Variants in SDK1 observed in about 807,000 individuals in gnomAD.
SDK1 encodes protein sidekick-1.
A neutral mutation model predicts 245.5 loss-of-function variants in SDK1; 157 were observed. That is an observed-to-expected ratio of 0.64 (90% confidence interval 0.56 to 0.73). The LOEUF (loss-of-function observed/expected upper bound fraction) is 0.73, where lower values mean the gene tolerates loss of function less well. Ranked by LOEUF, SDK1 falls within the 30% of genes least tolerant of loss-of-function variation. The pLI is 0.00. For missense variants in SDK1, 3,583 were observed against 3,002.3 expected (o/e 1.19, Z -4.52); for synonymous variants, 1,647 against 1,278.5 (o/e 1.29, Z -6.15).
At chr7:3,685,921 A>G (rs1282850559) in intron 4 of SDK1, among the ~76,000 whole-genome samples, 2 of 152,148 alleles carry the variant, frequency 1.3e-5, no homozygotes, top group African/African-American at 4.8e-5. Context: ...GTTAAATGTA[A>G]CAGATCTAAA....
intron 35 of SDK1, among the ~76,000 whole-genome samples, chr7:4,195,422 C>T (rs980482795): frequency 6.6e-6 from 1 of 152,146 alleles, no homozygotes; most frequent in African/African-American, 2.4e-5. Context: ...TCTTGGGGCT[C>T]AGCTTTTCCC....
intron 34 of SDK1, among the ~76,000 whole-genome samples, chr7:4,176,197 C>T (rs1204071859): frequency 1.3e-5 from 2 of 148,680 alleles, no homozygotes; most frequent in African/African-American, 5.0e-5. Flanking sequence ...GAGTCTCACT[C>T]TGTTGCCGAG....
At chr7:3,442,860 A>C (rs981386752) in intron 1 of SDK1, among the ~76,000 whole-genome samples, 2 of 152,132 alleles carry the variant, frequency 1.3e-5, no homozygotes, top group African/African-American at 4.8e-5. Context: ...TGTTCTACTC[A>C]CTGTGTTCTG....
intron 4 of SDK1, among the ~76,000 whole-genome samples, chr7:3,769,724 C>T (rs950112102): frequency 6.6e-6 from 1 of 152,022 alleles, no homozygotes; most frequent in African/African-American, 2.4e-5. Context: ...CCTGCCTGGA[C>T]TGCCTTCTAT....
chr7:3,777,944 T>C (rs1780614332), intron 4 of SDK1, among the ~76,000 whole-genome samples: 1 of 152,226 alleles, frequency 6.6e-6, no homozygotes, highest in East Asian at 1.9e-4. Flanking sequence ...AGCTTCATGC[T>C]GAGAAAGGAT....
chr7:4,109,217 T>C (rs552045985), intron 22 of SDK1, among the ~76,000 whole-genome samples: 1 of 152,302 alleles, frequency 6.6e-6, no homozygotes, highest in Non-Finnish European at 1.5e-5. Flanking sequence ...GGTGACTGTG[T>C]GTAGCTTTTG....
At chr7:3,880,311 T>C (rs772277583) in intron 5 of SDK1, among the ~76,000 whole-genome samples, 5 of 152,062 alleles carry the variant, frequency 3.3e-5, no homozygotes, top group South Asian at 4.1e-4. Context: ...CCAGCAGTGA[T>C]TGAGAAATTC....
intron 1 of SDK1, among the ~76,000 whole-genome samples, chr7:3,408,133 G>T (rs1779101272): frequency 1.3e-5 from 2 of 152,106 alleles, no homozygotes; most frequent in East Asian, 1.9e-4. Flanking sequence ...TGCCTCCCAG[G>T]TTCAAGCAAT....
intron 1 of SDK1, among the ~76,000 whole-genome samples, chr7:3,613,890 C>T (rs1380405650): frequency 1.3e-5 from 2 of 152,184 alleles, no homozygotes; most frequent in African/African-American, 4.8e-5. Flanking sequence ...CCAAATACCA[C>T]ATGTTCTCCT....
intron 30 of SDK1, among the ~76,000 whole-genome samples, chr7:4,154,298 C>T (rs1458852167): frequency 1.3e-5 from 2 of 152,122 alleles, no homozygotes; most frequent in African/African-American, 4.8e-5. Flanking sequence ...TTGGGGTAAG[C>T]AAGAGTTCTG....
intron 1 of SDK1, among the ~76,000 whole-genome samples, chr7:3,389,172 T>A (rs965550881): frequency 5.9e-5 from 9 of 152,162 alleles, no homozygotes; most frequent in Admixed American, 6.6e-5. Flanking sequence ...GAAGGCTAAA[T>A]AATGTTACCC....
chr7:3,486,984 G>A (rs1345793339), intron 1 of SDK1, among the ~76,000 whole-genome samples: 2 of 152,232 alleles, frequency 1.3e-5, no homozygotes, highest in Non-Finnish European at 1.5e-5. Context: ...ATCTTTTTAT[G>A]GTCTGGAACA....
chr7:3,343,283 T>G (rs1236007774), intron 1 of SDK1, among the ~76,000 whole-genome samples: 8 of 152,214 alleles, frequency 5.3e-5, no homozygotes. Context: ...TGTCCTTCAG[T>G]GAACGCATTA....
intron 38 of SDK1, among the ~76,000 whole-genome samples, chr7:4,216,936 A>G (rs1264257338): frequency 6.6e-6 from 1 of 152,044 alleles, no homozygotes; most frequent in Non-Finnish European, 1.5e-5. Context: ...ACACTCCTCG[A>G]ACCCCTGGGA....
intron 43 of SDK1, among the ~76,000 whole-genome samples, chr7:4,243,932 A>G (rs17134661): frequency 0.08 from 12,132 of 152,230 alleles, 639 homozygotes; most frequent in East Asian, 0.17. Context: ...TGTGCTTCCA[A>G]TTTCTTTTTG....
chr7:3,784,817 A>G (rs1399537727), intron 4 of SDK1, among the ~76,000 whole-genome samples: 1 of 152,342 alleles, frequency 6.6e-6, no homozygotes, highest in Admixed American at 6.5e-5. Flanking sequence ...AAAATGAGAA[A>G]TAGAACTGCC....
intron 5 of SDK1, among the ~76,000 whole-genome samples, chr7:3,900,064 T>C: frequency 6.6e-6 from 1 of 152,216 alleles, no homozygotes; most frequent in East Asian, 1.9e-4. Context: ...AATACGAACA[T>C]TTTAAAGAGA....
At chr7:4,254,994 T>C (rs1787540934) in intron 44 of SDK1, among the ~76,000 whole-genome samples, 1 of 152,208 alleles carries the variant, frequency 6.6e-6, no homozygotes, top group Non-Finnish European at 1.5e-5. Context: ...TAGCTCTGGT[T>C]TTCTCAGCAA....
chr7:3,955,631 C>A (rs1781202052), intron 7 of SDK1, among the ~76,000 whole-genome samples: 1 of 152,190 alleles, frequency 6.6e-6, no homozygotes. Context: ...GAGGGGCGAC[C>A]TGGAAGGAAC....
Sources: allele counts gnomAD v4.1 joint callset (sites outside exome capture counted in the v4.1 genomes callset), GRCh38; gene constraint gnomAD v4.1.1; transcripts MANE v1.5; gene names NCBI Gene and HGNC (gene_info 2026-07-23, HGNC 2026-07-21).